WDR27: variants seen among roughly 807,000 people sequenced by gnomAD.
The protein encoded by WDR27 is WD repeat-containing protein 27.
In WDR27, 100 loss-of-function variants were observed where a neutral mutation model predicts 114.4. That is an observed-to-expected ratio of 0.87 (90% CI 0.74 to 1.03). The LOEUF (loss-of-function observed/expected upper bound fraction) is 1.03. Among genes scored for constraint, WDR27 ranks in the 50% least tolerant of loss-of-function variants. The pLI is 0.00. For synonymous variants in WDR27, 449 were observed against 423.1 expected (o/e 1.06, Z -0.75); for missense variants, 1,129 against 1,092.9 (o/e 1.03, Z -0.47).
intron 2 of WDR27, among the ~76,000 whole-genome samples, chr6:169,688,375 G>C (rs1783606711): frequency 6.6e-6 from 1 of 152,092 alleles, no homozygotes; most frequent in Admixed American, 6.5e-5. Context: ...GGAGAGAAGT[G>C]GGCATTGACG....
chr6:169,513,915 C>A (rs1176339173), intron 25 of WDR27, among the ~76,000 whole-genome samples: 3 of 152,118 alleles, frequency 2.0e-5, no homozygotes, highest in Non-Finnish European at 4.4e-5. Flanking sequence ...GAAAAAGCAG[C>A]ACTTCTGTAG....
chr6:169,668,122 G>A lies in WDR27; in HGVS notation c.520C>T (p.Pro174Ser), dbSNP rs372530446. The A allele has an allele frequency of 1.7e-5, 27 of 1,613,930 alleles. No homozygotes were observed. Among genetic ancestry groups the A allele is most frequent in the Non-Finnish European group, 2.3e-5 (27 of 1,179,908 alleles). Residue 174 changes from proline (P) to serine (S), a missense_variant, in exon 5 of 26, where the codon CCG (proline) becomes TCG (serine). By Grantham distance (74) the Pro-to-Ser change is moderately conservative (BLOSUM62 -1). Transcript: ENST00000448612. ...TGAGAGAATGTGTGCAGGAAGGTCG[G>A]TGGTGGGACTTTGTGGCGGTTATTA... ...DVNNRHKVPP[P>S]TFLHTFSQTQ... is the part of the protein sequence containing the mutation.
At chr6:169,586,229 G>GA (rs1804526348) in intron 23 of WDR27, among the ~76,000 whole-genome samples, 1 of 152,132 alleles carries the variant, frequency 6.6e-6, no homozygotes, top group South Asian at 2.1e-4. Context: ...TGATTTCCTT[G>GA]ATTGGCCCTG....
At chr6:169,501,880 C>A (rs983858412) in intron 25 of WDR27, among the ~76,000 whole-genome samples, 8 of 152,216 alleles carry the variant, frequency 5.3e-5, no homozygotes, top group Non-Finnish European at 1.0e-4. Context: ...TGAAGCAAGA[C>A]CTCCCTACAT....
intron 25 of WDR27, among the ~76,000 whole-genome samples, chr6:169,555,188 C>T (rs762470318): frequency 6.6e-6 from 1 of 152,186 alleles, no homozygotes; most frequent in Non-Finnish European, 1.5e-5. Flanking sequence ...TTCACATCAG[C>T]ATCTAAAGCC....
intron 25 of WDR27, among the ~76,000 whole-genome samples, chr6:169,497,524 T>C (rs1790560643): frequency 1.3e-5 from 2 of 150,240 alleles, no homozygotes; most frequent in East Asian, 1.9e-4. Context: ...TAATAAGTGA[T>C]ATCCAGAATA....
At chr6:169,616,577 C>A (rs1045985463) in intron 21 of WDR27, among the ~76,000 whole-genome samples, 1 of 152,120 alleles carries the variant, frequency 6.6e-6, no homozygotes, top group Non-Finnish European at 1.5e-5. Context: ...TTAAAAAAAT[C>A]AAGCAACAAG....
intron 25 of WDR27, among the ~76,000 whole-genome samples, chr6:169,529,318 G>T (rs140215843): frequency 5.6e-5 from 8 of 143,616 alleles, no homozygotes; most frequent in African/African-American, 1.3e-4. Context: ...TCTGCGGGGG[G>T]GGGGGGCAGC....
In WDR27 at chr6:169,610,217, G is replaced by T. The variant is rs1810187366; in HGVS notation, c.2321+3342C>A. ...CCTCTGCCTGTTACCCAGTTCCAAA[G>T]TCGCTTCCACATTTTTGGATATCTT... On this transcript the variant is annotated intron_variant, in intron 22 of 25. Transcript: ENST00000448612. 2.6e-5 allele frequency among the ~76,000 whole-genome samples: 4 copies of T among 152,144 alleles called. No homozygotes were observed. The South Asian group carries it at 8.3e-4, about 32-fold the overall frequency.
At chr6:169,454,777 A>C (rs1429299700), downstream of WDR27, among the ~76,000 whole-genome samples, 1 of 152,198 alleles carries the variant, frequency 6.6e-6, no homozygotes, top group Non-Finnish European at 1.5e-5. Context: ...GAATCTTCAC[A>C]GCCTGTAATC....
chr6:169,593,675 C>A (rs1806203416), intron 23 of WDR27, among the ~76,000 whole-genome samples: 1 of 152,068 alleles, frequency 6.6e-6, no homozygotes, highest in South Asian at 2.1e-4. Flanking sequence ...TAGTGAAACC[C>A]CATCTCTACC....
At chr6:169,695,239 C>CT (rs1785575867) in intron 1 of WDR27, among the ~76,000 whole-genome samples, 1 of 152,142 alleles carries the variant, frequency 6.6e-6, no homozygotes, top group South Asian at 2.1e-4. Context: ...TATTTCTGAG[C>CT]TAGGACCGAT....
chr6:169,582,145 T>A (rs1803568852), intron 24 of WDR27, among the ~76,000 whole-genome samples: 1 of 152,162 alleles, frequency 6.6e-6, no homozygotes, highest in Admixed American at 6.5e-5. Flanking sequence ...GGCTCATTTT[T>A]GTATTTTTTA....
downstream of WDR27, among the ~76,000 whole-genome samples, chr6:169,452,465 G>A (rs943346603): frequency 6.6e-5 from 10 of 152,234 alleles, no homozygotes; most frequent in Non-Finnish European, 1.5e-4. Flanking sequence ...TGCAGTGAGA[G>A]CAGCCGAGGC....
chr6:169,649,050 T>C (rs1821542188), intron 15 of WDR27, 148 bp downstream of exon 15: 6 of 540,826 alleles, frequency 1.1e-5, no homozygotes, highest in Non-Finnish European at 1.6e-5. Flanking sequence ...GATATATAAA[T>C]AATATAGATA....
intron 25 of WDR27, among the ~76,000 whole-genome samples, chr6:169,563,018 G>A (rs117328330): frequency 2.0e-5 from 3 of 152,162 alleles, no homozygotes; most frequent in Admixed American, 6.5e-5. Flanking sequence ...AAGGAGACAC[G>A]CTGGGGCTTT....
chr6:169,533,482 C>T lies in WDR27; in HGVS notation c.2645+38937G>A, dbSNP rs1371401237. On this transcript the variant is annotated intron_variant, in intron 25 of 25. Coordinates refer to ENST00000448612, the MANE Select transcript of WDR27 (RefSeq NM_182552.5). ...GAGAAAGATCCATCAGAAAGCAATG[C>T]CTAGTTGGAATCTCAGAAGTTCCCT... 2.0e-5 allele frequency among the ~76,000 whole-genome samples: 3 copies of T among 152,126 alleles called. No individual in the cohort carries two copies. The East Asian group carries it at 5.8e-4, about 29-fold the overall frequency.
At chr6:169,475,229 TGATTC>T (rs1203462883) in intron 25 of WDR27, among the ~76,000 whole-genome samples, 3 of 152,242 alleles carry the variant, frequency 2.0e-5, no homozygotes, top group Non-Finnish European at 2.9e-5. Flanking sequence ...ATTTATTGAT[TGATTC>T]ATTTTGAAAC....
At chr6:169,592,044 T>C (rs1805841639) in intron 23 of WDR27, among the ~76,000 whole-genome samples, 1 of 152,044 alleles carries the variant, frequency 6.6e-6, no homozygotes, top group South Asian at 2.1e-4. Context: ...TGGCAGGAGC[T>C]AAGAAATACT....
Sources: allele counts gnomAD v4.1 joint callset (sites outside exome capture counted in the v4.1 genomes callset), GRCh38; gene constraint gnomAD v4.1.1; transcripts MANE v1.5; gene names NCBI Gene and HGNC (gene_info 2026-07-23, HGNC 2026-07-21).